The following SDF2 variants were observed in gnomAD, a reference collection of about 807,000 sequenced individuals.
SDF2 encodes the protein stromal cell derived factor 2.
A neutral mutation model predicts 20.5 loss-of-function variants in SDF2; 12 were observed. That is an observed-to-expected ratio of 0.58 (90% CI 0.37 to 0.95). The LOEUF (loss-of-function observed/expected upper bound fraction) is 0.95. Ranked by LOEUF, SDF2 falls within the 40% of genes least tolerant of loss-of-function variation. The pLI is 0.01. For missense variants in SDF2, 238 were observed against 263.1 expected (o/e 0.90, Z 0.66); for synonymous variants, 100 against 101.0 (o/e 0.99, Z 0.06).
chr17:28,661,964 G>T (rs988309756), upstream of SDF2: 2 of 1,475,402 alleles, frequency 1.4e-6, no homozygotes, highest in Admixed American at 2.0e-5. Context: ...ACGGAGAGAA[G>T]GAAGTGAAGA....
chr17:28,661,775 A>G lies in SDF2; in HGVS notation c.102T>C (p.Asn34=). The change falls in exon 1 of 3, where the codon AAT becomes AAC. Residue 34 remains asparagine (N), a synonymous_variant. Transcript: ENST00000247020. The stretch of plus-strand genomic sequence containing the variant: ...AGTGCAGTCGGACGTTGTGGCGCGT[A>G]TTGAGTAGCTTCACCACGGAGCCGC... ...VTCGSVVKLL[N]TRHNVRLHSH... 1.2e-6 allele frequency: 2 copies of G among 1,614,078 alleles called. No homozygotes were observed. The highest frequency in any genetic ancestry group is 1.7e-6 in the Non-Finnish European group (2 of 1,180,016).
At chr17:28,655,686 G>A in intron 1 of SDF2, 1 of 609,108 alleles carries the variant, frequency 1.6e-6, no homozygotes, top group Non-Finnish European at 2.9e-6. Context: ...GGCCTAGCAG[G>A]TGGAACCTGC....
intron 1 of SDF2, among the ~76,000 whole-genome samples, chr17:28,658,512 A>G (rs1178479291): frequency 6.6e-6 from 1 of 152,076 alleles, no homozygotes; most frequent in Non-Finnish European, 1.5e-5. Flanking sequence ...ATCTTGCACC[A>G]CCCTTAATCC....
chr17:28,656,080 A>T (rs2151583127), intron 1 of SDF2: 1 of 152,214 alleles, frequency 6.6e-6, no homozygotes, highest in Non-Finnish European at 1.5e-5. Flanking sequence ...CCGTGTCATT[A>T]AACAGGTAAG....
intron 2 of SDF2, 100 bp from the exon 3 acceptor site, chr17:28,649,376 A>C (rs556224160): frequency 8.9e-7 from 1 of 1,125,918 alleles, no homozygotes; most frequent in African/African-American, 1.5e-5. Context: ...TGAAGTAAAA[A>C]ATCAGAGGGG....
intron 1 of SDF2, chr17:28,657,874 G>C (rs772795979): frequency 6.6e-6 from 1 of 152,166 alleles, no homozygotes; most frequent in Non-Finnish European, 1.5e-5. Context: ...AATTAATCAG[G>C]TGTGGTGGGG....
intron 2 of SDF2, among the ~76,000 whole-genome samples, chr17:28,654,284 C>A (rs1478456293): frequency 6.6e-6 from 1 of 151,714 alleles, no homozygotes; most frequent in African/African-American, 2.4e-5. Flanking sequence ...CAGAGCAAGA[C>A]CCTGTTTAAA....
chr17:28,651,953 T>C (rs886213291), intron 2 of SDF2, among the ~76,000 whole-genome samples: 2 of 152,168 alleles, frequency 1.3e-5, no homozygotes, highest in African/African-American at 2.4e-5. Context: ...AATTTACAAA[T>C]TAGCACAGGG....
At position 28,655,149 on chromosome 17, in the gene SDF2, C is replaced by G. The variant is rs114475845; in HGVS notation, c.348+138G>C. On this transcript the variant is annotated intron_variant, in intron 2 of 2. Coordinates refer to ENST00000247020, the MANE Select transcript of SDF2 (RefSeq NM_006923.4). Reference sequence around the variant, plus strand: ...GTCTCAAAAACAACAAAAACCCACACAAAAATAGAGCCATTTCCCCAGGTC... The same window carrying G: ...GTCTCAAAAACAACAAAAACCCACAGAAAAATAGAGCCATTTCCCCAGGTC... The G allele has an allele frequency of 8.6e-4, 708 of 819,820 alleles. 1 individual carries two copies. In the African/African-American group the frequency reaches 0.011, roughly 13 times the overall value. The allele number at this position is 819,820 out of a possible 1,614,324, so 50.8% of individuals were successfully genotyped here.
intron 2 of SDF2, 63 bp downstream of exon 2, chr17:28,655,224 G>A: frequency 1.4e-6 from 2 of 1,462,794 alleles, no homozygotes; most frequent in Non-Finnish European, 1.9e-6. Context: ...TAAGAACCAA[G>A]AGATCAAACA....
chr17:28,660,703 C>T (rs2072021664), intron 1 of SDF2: 1 of 153,744 alleles, frequency 6.5e-6, no homozygotes, highest in Non-Finnish European at 1.4e-5. Context: ...GTGATGATAA[C>T]TCATGTCCTT....
chr17:28,653,001 A>G (rs983213726), intron 2 of SDF2, among the ~76,000 whole-genome samples: 3 of 152,230 alleles, frequency 2.0e-5, no homozygotes, highest in Non-Finnish European at 4.4e-5. Flanking sequence ...GAATAAATAA[A>G]TAAATTGGGG....
chr17:28,653,329 C>T (rs1048175742), intron 2 of SDF2, among the ~76,000 whole-genome samples: 4 of 152,142 alleles, frequency 2.6e-5, no homozygotes, highest in South Asian at 4.1e-4. Flanking sequence ...TTTATAAGTC[C>T]GGTCTAATCA....
chr17:28,654,889 G>A (rs1456166630), intron 2 of SDF2, among the ~76,000 whole-genome samples: 1 of 152,206 alleles, frequency 6.6e-6, no homozygotes, highest in Non-Finnish European at 1.5e-5. Flanking sequence ...GCAGGAGGCA[G>A]AGGTTGCAAT....
intron 1 of SDF2, among the ~76,000 whole-genome samples, chr17:28,659,256 T>G (rs866677288): frequency 3.4e-5 from 2 of 59,194 alleles, no homozygotes; most frequent in African/African-American, 1.4e-4. Flanking sequence ...ACGGGGCGGC[T>G]GGGCAGAGGC....
intron 1 of SDF2, chr17:28,655,717 C>G: frequency 3.4e-6 from 2 of 589,136 alleles, no homozygotes; most frequent in South Asian, 4.4e-5. Context: ...AAGCCTTAGA[C>G]AAGGGCCAAG....
Position 28,655,342 on chromosome 17 carries a change from T to C in SDF2, c.293A>G (p.Asn98Ser). 6.2e-7 allele frequency: 1 copy of C among 1,614,240 alleles called. No homozygotes were observed. The highest frequency in any genetic ancestry group is 8.5e-7 in the Non-Finnish European group (1 of 1,180,042). ...GTGACTATGGAGGTTTCGGCCAGTG[T>C]TGACATGTGTCAGCCGGATGGGCTG... ...CGQPIRLTHVNTGRNLHSHHF... is the reference protein window; with the variant it reads ...CGQPIRLTHVSTGRNLHSHHF... The change falls in exon 2 of 3, where the codon AAC (asparagine) becomes AGC (serine). Residue 98 changes from asparagine to serine, a missense_variant. Coordinates refer to ENST00000247020, the MANE Select transcript of SDF2 (RefSeq NM_006923.4).
At chr17:28,661,051 A>C (rs951754256) in intron 1 of SDF2, 1 of 391,258 alleles carries the variant, frequency 2.6e-6, no homozygotes, top group Non-Finnish European at 4.9e-6. Context: ...ATCCACAAAT[A>C]ATTTATTACT....
rs1479720648 is a variant in SDF2 at position 28,648,611 on chromosome 17, A to T, written c.*378T>A. ...GACTCATAATAAAATTATTGTTTTT[A>T]TCATTTTGGAGAGAGAAAATAGGGG... On this transcript the variant is annotated 3_prime_UTR_variant, in exon 3 of 3. Coordinates refer to ENST00000247020, the MANE Select transcript of SDF2 (RefSeq NM_006923.4). The T allele has an allele frequency of 4.5e-6, 1 of 223,458 alleles. No homozygotes were observed. Among genetic ancestry groups the T allele is most frequent in the Non-Finnish European group, 8.9e-6 (1 of 112,102 alleles). The allele number at this position is 223,458 out of a possible 1,614,324, so 13.8% of individuals were successfully genotyped here. A position where few individuals can be genotyped will look rare whatever the true frequency, so the allele number is the denominator to read the frequency against.
Sources: gnomAD v4.1 joint callset for allele counts (sites outside exome capture counted in the v4.1 genomes callset) on GRCh38, gnomAD v4.1.1 for gene constraint, MANE v1.5 for transcripts, NCBI Gene and HGNC (gene_info 2026-07-23, HGNC 2026-07-21) for gene names.